Variants in FHIT observed in about 807,000 individuals in gnomAD.
The protein encoded by FHIT is bis(5'-adenosyl)-triphosphatase.
FHIT carries 19 observed loss-of-function variants against 17.9 expected under a neutral mutation model. The observed-to-expected ratio is 1.06, with a 90% confidence interval of 0.74 to 1.56. FHIT has a LOEUF of 1.56. Among genes scored for constraint, FHIT ranks in the 40% most tolerant of loss-of-function variants. The pLI is 0.00. For synonymous variants in FHIT, 81 were observed against 69.7 expected (o/e 1.16, Z -0.81); for missense variants, 248 against 189.2 (o/e 1.31, Z -1.82).
rs79988792 is a variant in FHIT, at chr3:60,461,307, G to A, written c.103+75553C>T. ...CCTGAGAATGGTAGAAACCCAAGAC[G>A]TAGAGCACATTATGCAACACTCTTA... On this transcript the variant is annotated intron_variant, in intron 5 of 9. Transcript: ENST00000492590. Among the ~76,000 whole-genome samples, 147 of 152,168 alleles carry A rather than the reference G, an allele frequency of 9.7e-4. 3 individuals carry two copies. In the East Asian group the frequency reaches 0.021, roughly 22 times the overall value.
chr3:60,644,242 T>C (rs898221293), intron 4 of FHIT, among the ~76,000 whole-genome samples: 1 of 152,236 alleles, frequency 6.6e-6, no homozygotes, highest in Non-Finnish European at 1.5e-5. Flanking sequence ...GAATCTATTC[T>C]ATATATCCTG....
intron 4 of FHIT, among the ~76,000 whole-genome samples, chr3:60,666,930 C>T (rs1446889285): frequency 3.5e-5 from 5 of 144,826 alleles, no homozygotes; most frequent in African/African-American, 1.0e-4. Context: ...TCAAGGCTCA[C>T]TGCAACCTCT....
chr3:60,645,959 A>T (rs2107798788), intron 4 of FHIT, among the ~76,000 whole-genome samples: 1 of 152,310 alleles, frequency 6.6e-6, no homozygotes, highest in Middle Eastern at 3.4e-3. Context: ...ATGTGGACTT[A>T]AAATAGTCTT....
At chr3:60,843,420 GT>G (rs1157603488) in intron 3 of FHIT, among the ~76,000 whole-genome samples, 1 of 152,080 alleles carries the variant, frequency 6.6e-6, no homozygotes, top group Non-Finnish European at 1.5e-5. Flanking sequence ...ACTATAAATA[GT>G]TTCTTATAAA....
At chr3:59,895,844 A>G (rs1429825941) in intron 8 of FHIT, among the ~76,000 whole-genome samples, 2 of 152,198 alleles carry the variant, frequency 1.3e-5, no homozygotes, top group Admixed American at 6.5e-5. Context: ...AACATCTTAC[A>G]AAGTCTGGCA....
At chr3:60,225,873 A>G (rs1308899481) in intron 5 of FHIT, among the ~76,000 whole-genome samples, 1 of 152,164 alleles carries the variant, frequency 6.6e-6, no homozygotes, top group Non-Finnish European at 1.5e-5. Context: ...GCAGATCTAC[A>G]GAACTGCAGA....
intron 8 of FHIT, among the ~76,000 whole-genome samples, chr3:59,881,905 A>T (rs1703425801): frequency 6.6e-6 from 1 of 152,144 alleles, no homozygotes; most frequent in Admixed American, 6.5e-5. Context: ...CTCTCCAATA[A>T]ATTAGATGAG....
chr3:60,522,952 G>A (rs1212571524), intron 5 of FHIT, among the ~76,000 whole-genome samples: 3 of 152,158 alleles, frequency 2.0e-5, no homozygotes, highest in Non-Finnish European at 4.4e-5. Context: ...GTTCCACGTG[G>A]CTGGGGAGGC....
At chr3:60,160,783 C>T (rs909606895) in intron 5 of FHIT, among the ~76,000 whole-genome samples, 1 of 151,720 alleles carries the variant, frequency 6.6e-6, no homozygotes, top group African/African-American at 2.4e-5. Flanking sequence ...ACTTGTAAAA[C>T]AGAGCTGAAT....
At chr3:59,876,260 T>C (rs1167452440) in intron 8 of FHIT, among the ~76,000 whole-genome samples, 1 of 152,188 alleles carries the variant, frequency 6.6e-6, no homozygotes, top group Non-Finnish European at 1.5e-5. Context: ...GGTATCTGAA[T>C]AGGGAGCTAT....
intron 5 of FHIT, among the ~76,000 whole-genome samples, chr3:60,366,289 C>G (rs933642015): frequency 6.6e-6 from 1 of 152,108 alleles, no homozygotes; most frequent in Non-Finnish European, 1.5e-5. Context: ...GATTCTCCTG[C>G]CTCAGCCTCA....
chr3:60,687,044 A>C (rs2040876059), intron 4 of FHIT, among the ~76,000 whole-genome samples: 1 of 152,240 alleles, frequency 6.6e-6, no homozygotes, highest in Non-Finnish European at 1.5e-5. Flanking sequence ...TACAAAAATC[A>C]CAAGCACTCA....
intron 5 of FHIT, among the ~76,000 whole-genome samples, chr3:60,076,522 T>G (rs1406058789): frequency 6.6e-6 from 1 of 152,088 alleles, no homozygotes; most frequent in African/African-American, 2.4e-5. Context: ...AGAAGGATTC[T>G]TCTCTTATTC....
chr3:60,192,825 T>A (rs1325622383), intron 5 of FHIT, among the ~76,000 whole-genome samples: 1 of 152,286 alleles, frequency 6.6e-6, no homozygotes, highest in Non-Finnish European at 1.5e-5. Context: ...TTTTGACTTT[T>A]CGTAACCACG....
At chr3:60,955,613 T>TACACATATATATATATATAC (rs1709098039) in intron 3 of FHIT, among the ~76,000 whole-genome samples, 5 of 13,314 alleles carry the variant, frequency 3.8e-4, no homozygotes, top group African/African-American at 6.1e-4. Flanking sequence ...TATATATATA[T>TACACATATATATATATATAC]ATATATATAT....
chr3:60,498,486 G>A (rs1453047043), intron 5 of FHIT, among the ~76,000 whole-genome samples: 2 of 152,134 alleles, frequency 1.3e-5, no homozygotes, highest in African/African-American at 4.8e-5. Flanking sequence ...GGTTGGGAAC[G>A]ACAAGGACAG....
chr3:59,893,218 T>C (rs1400875176), intron 8 of FHIT, among the ~76,000 whole-genome samples: 1 of 152,212 alleles, frequency 6.6e-6, no homozygotes, highest in African/African-American at 2.4e-5. Context: ...CTGTAGCCTA[T>C]TCATTAGTAG....
chr3:61,075,111 A>G (rs890256706), intron 2 of FHIT, among the ~76,000 whole-genome samples: 3 of 152,186 alleles, frequency 2.0e-5, no homozygotes, highest in African/African-American at 7.2e-5. Flanking sequence ...CTACCAAAAA[A>G]TGTCTTAGCC....
chr3:60,732,645 G>C, intron 4 of FHIT: 1 of 435,372 alleles, frequency 2.3e-6, no homozygotes, highest in Non-Finnish European at 4.5e-6. Flanking sequence ...ATGGCTGATA[G>C]TAGGGTGCTC....
Sources: gnomAD v4.1 joint callset for allele counts (sites outside exome capture counted in the v4.1 genomes callset) on GRCh38, gnomAD v4.1.1 for gene constraint, MANE v1.5 for transcripts, NCBI Gene and HGNC (gene_info 2026-07-23, HGNC 2026-07-21) for gene names.